AP2B1: variants seen among roughly 807,000 people sequenced by gnomAD.
AP2B1 encodes the protein adaptor related protein complex 2 subunit beta 1, also known as AP-2 complex subunit beta.
In AP2B1, 23 loss-of-function variants were observed where a neutral mutation model predicts 102.0. The observed-to-expected ratio is 0.23, with a 90% CI of 0.16 to 0.32. The LOEUF is 0.32. Ranked by LOEUF, AP2B1 falls within the 10% of genes least tolerant of loss-of-function variation. The probability of loss-of-function intolerance (pLI) is 1.00; values close to 1 mark genes in which losing one functional copy is unlikely to be tolerated. For missense variants in AP2B1, 541 were observed against 1,157.4 expected (o/e 0.47, Z 7.73); for synonymous variants, 381 against 421.2 (o/e 0.90, Z 1.17).
At chr17:35,673,346 A>G (rs2075631226) in intron 16 of AP2B1, among the ~76,000 whole-genome samples, 1 of 151,848 alleles carries the variant, frequency 6.6e-6, no homozygotes, top group African/African-American at 2.4e-5. Flanking sequence ...CACCACTCCT[A>G]GCTAATTTCT....
intron 18 of AP2B1, among the ~76,000 whole-genome samples, chr17:35,703,794 A>G (rs2076286719): frequency 6.6e-6 from 1 of 150,832 alleles, no homozygotes; most frequent in Non-Finnish European, 1.5e-5. Context: ...AAGTTTACCT[A>G]TGTAACAAGC....
At chr17:35,672,215 G>A (rs2075603826) in intron 16 of AP2B1, among the ~76,000 whole-genome samples, 1 of 152,178 alleles carries the variant, frequency 6.6e-6, no homozygotes, top group Non-Finnish European at 1.5e-5. Context: ...ATGTAGTGCA[G>A]CAGCAGGAGA....
At chr17:35,681,738 G>A (rs2075826940) in intron 17 of AP2B1, among the ~76,000 whole-genome samples, 1 of 152,034 alleles carries the variant, frequency 6.6e-6, no homozygotes, top group Non-Finnish European at 1.5e-5. Context: ...TTTCTCCCAA[G>A]AATTATCTAA....
chr17:35,635,498 G>A (rs573043658), intron 9 of AP2B1, among the ~76,000 whole-genome samples: 88 of 151,830 alleles, frequency 5.8e-4, no homozygotes, highest in East Asian at 1.2e-3. Context: ...AATTCTCTGC[G>A]TCAGCCTCCG....
At chr17:35,670,995 A>T in intron 15 of AP2B1, 97 bp downstream of exon 15, 1 of 1,276,178 alleles carries the variant, frequency 7.8e-7, no homozygotes, top group Non-Finnish European at 1.1e-6. Flanking sequence ...GCTGCTGTCT[A>T]GCACTGCACA....
intron 9 of AP2B1, among the ~76,000 whole-genome samples, chr17:35,631,905 A>T (rs1384707926): frequency 6.6e-6 from 1 of 152,098 alleles, no homozygotes; most frequent in Non-Finnish European, 1.5e-5. Context: ...AGTCTTTTGT[A>T]ATTGAGATGT....
chr17:35,649,233 T>C (rs2075022700), intron 12 of AP2B1, among the ~76,000 whole-genome samples: 1 of 152,162 alleles, frequency 6.6e-6, no homozygotes, highest in African/African-American at 2.4e-5. Context: ...ATAATATATG[T>C]TATTAATAAG....
chr17:35,607,922 T>A (rs1598017229), intron 4 of AP2B1: 1 of 559,650 alleles, frequency 1.8e-6, no homozygotes, highest in East Asian at 3.2e-5. Context: ...TGTTTCTCAT[T>A]TTGTATTTAA....
At chr17:35,653,232 T>C (rs1265943557) in intron 13 of AP2B1, among the ~76,000 whole-genome samples, 2 of 152,212 alleles carry the variant, frequency 1.3e-5, no homozygotes, top group African/African-American at 2.4e-5. Context: ...TAAAACCTTA[T>C]GCTTCAGTGA....
At chr17:35,590,228 A>G (rs1033297232) in intron 1 of AP2B1, among the ~76,000 whole-genome samples, 4 of 152,160 alleles carry the variant, frequency 2.6e-5, no homozygotes, top group African/African-American at 9.7e-5. Flanking sequence ...GTAACTTCTA[A>G]TGAAGACGTC....
chr17:35,687,096 T>C (rs1026855296), intron 18 of AP2B1, among the ~76,000 whole-genome samples: 1 of 152,084 alleles, frequency 6.6e-6, no homozygotes, highest in African/African-American at 2.4e-5. Context: ...AATAACATGC[T>C]CATATTGGGA....
intron 16 of AP2B1, among the ~76,000 whole-genome samples, chr17:35,672,175 T>A (rs999066522): frequency 6.6e-6 from 1 of 152,208 alleles, no homozygotes; most frequent in Admixed American, 6.5e-5. Context: ...TTTGTCAACA[T>A]TGAAGTCAAT....
At chr17:35,688,954 C>A (rs888811955) in intron 18 of AP2B1, among the ~76,000 whole-genome samples, 1 of 152,008 alleles carries the variant, frequency 6.6e-6, no homozygotes, top group Non-Finnish European at 1.5e-5. Flanking sequence ...ACAGAACGAG[C>A]CACAAGCCTT....
At chr17:35,670,233 C>T (rs569850401) in intron 14 of AP2B1, among the ~76,000 whole-genome samples, 1 of 152,250 alleles carries the variant, frequency 6.6e-6, no homozygotes, top group South Asian at 2.1e-4. Context: ...TGCATGCTTC[C>T]CCACTTCCTC....
chr17:35,613,470 T>C (rs927338882), intron 5 of AP2B1, among the ~76,000 whole-genome samples: 7 of 152,132 alleles, frequency 4.6e-5, no homozygotes, highest in African/African-American at 1.7e-4. Flanking sequence ...CAATTTATAG[T>C]TTAGTTGAAG....
At chr17:35,622,433 A>G (rs879067550) in intron 5 of AP2B1, among the ~76,000 whole-genome samples, 1 of 152,228 alleles carries the variant, frequency 6.6e-6, no homozygotes, top group Admixed American at 6.5e-5. Context: ...ATATGCTGGG[A>G]TAATCTGAAG....
chr17:35,714,903 A>T (rs746681369), intron 20 of AP2B1, among the ~76,000 whole-genome samples: 14 of 152,196 alleles, frequency 9.2e-5, no homozygotes, highest in South Asian at 4.1e-4. Flanking sequence ...CAACTATAAG[A>T]TTCCGTCCTG....
intron 18 of AP2B1, among the ~76,000 whole-genome samples, chr17:35,685,576 T>A (rs1164655888): frequency 1.3e-5 from 2 of 152,236 alleles, no homozygotes; most frequent in Non-Finnish European, 2.9e-5. Context: ...AAATTTTGAA[T>A]TCCATGTGGA....
Position 35,657,674 on chromosome 17 carries a change from A to T in AP2B1, c.1872A>T (p.Gln624His). The T allele has an allele frequency of 6.2e-7, 1 of 1,614,158 alleles. No homozygotes were observed. The highest frequency in any genetic ancestry group is 8.5e-7 in the Non-Finnish European group (1 of 1,180,012). The change falls in exon 14 of 22, where the codon CAA becomes CAT. Residue 624 changes from glutamine (Q) to histidine (H), a missense_variant. Physicochemically the swap from Gln to His is conservative, Grantham distance 24. Around this residue, in one of 10 missense-constraint regions of AP2B1, gnomAD observed 39 missense variants for 42.0 expected, o/e 0.93. Coordinates refer to ENST00000610402, the MANE Select transcript of AP2B1 (RefSeq NM_001030006.2). ...AACAGCCTCAGGTTATCCCCTCTCAAGGTGATCTTCTAGGGGATCTTTTAA... is the reference window on the plus strand; with the variant it reads ...AACAGCCTCAGGTTATCCCCTCTCATGGTGATCTTCTAGGGGATCTTTTAA... ...NLEQPQVIPSQGDLLGDLLNL... is the reference protein window; with the variant it reads ...NLEQPQVIPSHGDLLGDLLNL...
Sources: gnomAD v4.1 joint callset for allele counts (sites outside exome capture counted in the v4.1 genomes callset) on GRCh38, gnomAD v4.1.1 for gene constraint, gnomAD v4.1.1 regional missense constraint, MANE v1.5 for transcripts, NCBI Gene and HGNC (gene_info 2026-07-23, HGNC 2026-07-21) for gene names.